Variants in HELZ observed in about 807,000 individuals in gnomAD.
HELZ encodes helicase with zinc finger.
Under a neutral mutation model 218.2 loss-of-function variants are expected in HELZ, and 23 were observed. That is an observed-to-expected ratio of 0.11 (90% CI 0.08 to 0.15). The LOEUF (loss-of-function observed/expected upper bound fraction) is 0.15, where lower values mean the gene tolerates loss of function less well. Ranked by LOEUF, HELZ falls within the 10% of genes least tolerant of loss-of-function variation. The pLI is 1.00. For synonymous variants in HELZ, 814 were observed against 829.4 expected (o/e 0.98, Z 0.32); for missense variants, 1,813 against 2,353.7 (o/e 0.77, Z 4.75).
chr17:67,215,981 C>T (rs1418949693), intron 4 of HELZ, 46 bp from the exon 5 acceptor site: 2 of 1,093,796 alleles, frequency 1.8e-6, no homozygotes, highest in Non-Finnish European at 1.4e-6. Context: ...TCAAGAGCTG[C>T]TTTTAACAGA....
At chr17:67,244,990 C>T in intron 1 of HELZ, 158 bp downstream of exon 1, 4 of 985,768 alleles carry the variant, frequency 4.1e-6, no homozygotes, top group South Asian at 9.4e-5. Flanking sequence ...AGCCGCGCTT[C>T]CCAGGCCCAG....
At chr17:67,225,148 C>T in intron 3 of HELZ, 1 of 387,318 alleles carries the variant, frequency 2.6e-6, no homozygotes, top group Non-Finnish European at 4.7e-6. Context: ...AAAGTTACTT[C>T]AGTAATAACA....
chr17:67,148,071 A>C (rs1383095607), intron 20 of HELZ, among the ~76,000 whole-genome samples: 1 of 152,216 alleles, frequency 6.6e-6, no homozygotes, highest in African/African-American at 2.4e-5. Flanking sequence ...AGACCCAAAA[A>C]GAGGGTCGCA....
At chr17:67,127,644 T>C (rs1449066343) in intron 24 of HELZ, among the ~76,000 whole-genome samples, 2 of 152,144 alleles carry the variant, frequency 1.3e-5, no homozygotes, top group Non-Finnish European at 2.9e-5. Context: ...GCCCCGGAGT[T>C]TGAGACCAGC....
At chr17:67,081,761 G>A (rs1235649902) in intron 32 of HELZ, among the ~76,000 whole-genome samples, 1 of 152,124 alleles carries the variant, frequency 6.6e-6, no homozygotes, top group Non-Finnish European at 1.5e-5. Context: ...TTTAGATTGG[G>A]CTGGATTTCT....
At chr17:67,172,964 C>G in intron 13 of HELZ, 1 of 697,246 alleles carries the variant, frequency 1.4e-6, no homozygotes. Context: ...TCCCAAAACA[C>G]TTGATCACAA....
At position 67,077,917 on chromosome 17, in the gene HELZ, T is replaced by C. The variant is rs1018717262; in HGVS notation, c.*335A>G. On this transcript the variant is annotated 3_prime_UTR_variant, in exon 33 of 33. Transcript: ENST00000358691. ...CAATTTTTTTTTCTTTTTAAATACA[T>C]TTTAGACAAACTTTTCTTTTTTTTT... is the stretch of plus-strand genomic sequence containing the variant. 3.1e-5 allele frequency: 5 copies of C among 159,436 alleles called. No individual in the cohort carries two copies. The highest frequency in any genetic ancestry group is 7.2e-5 in the African/African-American group (3 of 41,664). The allele number at this position is 159,436 out of a possible 1,614,324, so 9.9% of individuals were successfully genotyped here. A position where few individuals can be genotyped will look rare whatever the true frequency, so the allele number is the denominator to read the frequency against.
intron 3 of HELZ, among the ~76,000 whole-genome samples, chr17:67,227,380 G>A (rs750947623): frequency 8.6e-5 from 13 of 151,802 alleles, no homozygotes; most frequent in African/African-American, 1.2e-4. Flanking sequence ...TTCAGTAGAC[G>A]GTTTCGCCAT....
intron 31 of HELZ, among the ~76,000 whole-genome samples, chr17:67,092,248 C>G (rs187124729): frequency 8.8e-4 from 134 of 151,986 alleles, no homozygotes; most frequent in Non-Finnish European, 1.8e-3. Flanking sequence ...AGACCATGAG[C>G]CTCGTCATCA....
intron 3 of HELZ, among the ~76,000 whole-genome samples, chr17:67,229,115 C>T (rs578236708): frequency 6.6e-6 from 1 of 152,286 alleles, no homozygotes; most frequent in Admixed American, 6.5e-5. Context: ...GCCAGTGTGG[C>T]TAAAGTGTAT....
At chr17:67,088,321 G>T (rs1030427030) in intron 31 of HELZ, among the ~76,000 whole-genome samples, 1 of 152,102 alleles carries the variant, frequency 6.6e-6, no homozygotes, top group Non-Finnish European at 1.5e-5. Flanking sequence ...CACCACTGTT[G>T]TTAGCAATAA....
rs1419171401 is a variant in HELZ at position 67,108,240 on chromosome 17, CCA to C, written c.4724+250_4724+251del. Among the ~76,000 whole-genome samples, 1 of 152,186 alleles carries C rather than the reference CCA, an allele frequency of 6.6e-6. No homozygotes were observed. The highest frequency in any genetic ancestry group is 2.4e-5 in the African/African-American group (1 of 41,442). On this transcript the variant is annotated intron_variant, in intron 30 of 32. Coordinates refer to ENST00000358691, the MANE Select transcript of HELZ (RefSeq NM_014877.4). This position sits in a 1 kb window ranked among gnomAD's most constrained non-coding sequence, Gnocchi z 4.1. Reference sequence around the variant, plus strand: ...TGGTATGTTTCTCTCGCAGAAAAGACCACAAAGTAAGGGAACAAGTTAATTTC... The same window carrying C: ...TGGTATGTTTCTCTCGCAGAAAAGACCAAAGTAAGGGAACAAGTTAATTTC...
At chr17:67,092,839 A>T (rs2036612469) in intron 31 of HELZ, among the ~76,000 whole-genome samples, 1 of 150,736 alleles carries the variant, frequency 6.6e-6, no homozygotes, top group South Asian at 2.1e-4. Context: ...GTGGCGGGTG[A>T]CTGTAATCCC....
intron 17 of HELZ, among the ~76,000 whole-genome samples, chr17:67,153,145 T>G (rs1396814065): frequency 1.3e-5 from 2 of 152,178 alleles, no homozygotes; most frequent in East Asian, 3.8e-4. Context: ...GGATAAGTTT[T>G]GCTTAAAGGC....
chr17:67,195,690 G>A (rs557935601), intron 7 of HELZ, among the ~76,000 whole-genome samples: 37 of 152,028 alleles, frequency 2.4e-4, no homozygotes, highest in Admixed American at 1.8e-3. Flanking sequence ...GCTGATAGAG[G>A]CCTCCTACAT....
rs2038619879 is a variant in HELZ, at chr17:67,149,870, C to A, written c.2472G>T (p.Met824Ile). 1 of 1,590,186 alleles carries A rather than the reference C, an allele frequency of 6.3e-7. No homozygotes were observed. Among genetic ancestry groups the A allele is most frequent in the Non-Finnish European group, 8.6e-7 (1 of 1,162,960 alleles). Residue 824 changes from methionine (M) to isoleucine (I), a missense_variant, in exon 19 of 33, where the codon ATG becomes ATT. By Grantham distance (10) the Met-to-Ile change is conservative. This residue lies in a region of HELZ where 714 missense variants were observed against 1,029.2 expected (regional missense o/e 0.69). Coordinates refer to ENST00000358691, the MANE Select transcript of HELZ (RefSeq NM_014877.4). ...CAGCAACTCAGAGGGCACTTACCTG[C>A]ATGTGATCACCAGCCAAGACAATCC... The part of the protein sequence containing the change: ...NTRIVLAGDH[M>I]QLSPFVYSEF...
At chr17:67,231,030 A>G (rs2143428324) in intron 3 of HELZ, among the ~76,000 whole-genome samples, 1 of 152,338 alleles carries the variant, frequency 6.6e-6, no homozygotes, top group South Asian at 2.1e-4. Context: ...ATTTTGCATA[A>G]GAAAATCAGG....
intron 24 of HELZ, 174 bp downstream of exon 24, chr17:67,128,477 T>C: frequency 1.5e-6 from 1 of 654,562 alleles, no homozygotes; most frequent in Non-Finnish European, 2.8e-6. Context: ...CTAAACACCA[T>C]ACTGTATTTT....
intron 7 of HELZ, among the ~76,000 whole-genome samples, chr17:67,198,969 A>C (rs1011860038): frequency 2.0e-5 from 3 of 152,240 alleles, no homozygotes; most frequent in Non-Finnish European, 4.4e-5. Context: ...TACATGCAAC[A>C]GGATTATAAA....
Sources: gnomAD v4.1 joint callset for allele counts (sites outside exome capture counted in the v4.1 genomes callset) on GRCh38, gnomAD v4.1.1 for gene constraint, gnomAD v4.1.1 regional missense constraint, Gnocchi (gnomAD v3.1) non-coding constraint, MANE v1.5 for transcripts, NCBI Gene and HGNC (gene_info 2026-07-23, HGNC 2026-07-21) for gene names.